The following COL25A1 variants were observed in gnomAD, a reference collection of about 807,000 sequenced individuals.
COL25A1 encodes collagen type XXV alpha 1 chain.
COL25A1 carries 103 observed loss-of-function variants against 128.4 expected under a neutral mutation model. The observed-to-expected ratio is 0.80, with a 90% CI of 0.68 to 0.94. COL25A1 has a LOEUF of 0.94. COL25A1 is among the 40% of genes least tolerant of loss of function. The pLI is 0.00. For synonymous variants in COL25A1, 279 were observed against 277.2 expected (o/e 1.01, Z -0.06); for missense variants, 745 against 840.0 (o/e 0.89, Z 1.40).
At chr4:108,935,134 C>G (rs75757258) in intron 11 of COL25A1, among the ~76,000 whole-genome samples, 3 of 152,058 alleles carry the variant, frequency 2.0e-5, no homozygotes, top group Non-Finnish European at 4.4e-5. Context: ...GTTCTTCCTC[C>G]TATTTTTTTA....
chr4:108,824,161 A>T lies in COL25A1; in HGVS notation c.1845+13T>A, dbSNP rs1230547123. 1 of 1,614,076 alleles carries T rather than the reference A, an allele frequency of 6.2e-7. No homozygotes were observed. Among genetic ancestry groups the T allele is most frequent in the Admixed American group, 1.7e-5 (1 of 60,014 alleles). On this transcript the variant is annotated intron_variant, in intron 35 of 37. Coordinates refer to ENST00000399132, the MANE Select transcript of COL25A1 (RefSeq NM_198721.4). ...AGAATCAAACAAGGTACATGCTGGG[A>T]TGGAGAGGTCACCTTTTCTCCCTTT...
chr4:109,206,238 T>C lies in COL25A1; in HGVS notation c.367+94345A>G, dbSNP rs566980443. The stretch of plus-strand genomic sequence containing the variant: ...CATATACTAAAGACAGGTTCAGATA[T>C]TTATAAAGTACTTTTATCTATTCAG... On this transcript the variant is annotated intron_variant, in intron 3 of 37. Transcript: ENST00000399132. Among the ~76,000 whole-genome samples, 104 of 152,256 alleles carry C rather than the reference T, an allele frequency of 6.8e-4. 1 individual carries two copies. The highest frequency in any genetic ancestry group is 1.0e-4 in the Non-Finnish European group (7 of 68,028).
chr4:109,082,525 T>C (rs892346394), intron 3 of COL25A1, among the ~76,000 whole-genome samples: 1 of 152,238 alleles, frequency 6.6e-6, no homozygotes, highest in Non-Finnish European at 1.5e-5. Context: ...GGGGTTTTCA[T>C]GTGCATTTTC....
intron 37 of COL25A1, among the ~76,000 whole-genome samples, chr4:108,815,622 G>A (rs1731179434): frequency 6.6e-6 from 1 of 152,012 alleles, no homozygotes; most frequent in African/African-American, 2.4e-5. Flanking sequence ...GTAGTGTATA[G>A]TGTCTATTCT....
chr4:108,954,963 G>A (rs1028691021), intron 8 of COL25A1, among the ~76,000 whole-genome samples: 1 of 150,350 alleles, frequency 6.7e-6, no homozygotes. Context: ...TTTTAAAATG[G>A]GTCTTCGATT....
At chr4:108,841,165 A>G in intron 31 of COL25A1, among the ~76,000 whole-genome samples, 1 of 152,190 alleles carries the variant, frequency 6.6e-6, no homozygotes. Context: ...TCTTAACCCA[A>G]AAGTATAGAA....
At chr4:108,913,713 T>G (rs1744534461) in intron 13 of COL25A1, among the ~76,000 whole-genome samples, 1 of 152,190 alleles carries the variant, frequency 6.6e-6, no homozygotes, top group South Asian at 2.1e-4. Context: ...TTTTAACAGT[T>G]CAGATTTTTA....
At chr4:108,937,195 G>A (rs1483543818) in intron 11 of COL25A1, among the ~76,000 whole-genome samples, 2 of 152,112 alleles carry the variant, frequency 1.3e-5, no homozygotes, top group African/African-American at 4.8e-5. Flanking sequence ...GGGACAGGAA[G>A]AGGTAGGTTG....
chr4:109,099,720 T>C (rs1193775546), intron 3 of COL25A1, among the ~76,000 whole-genome samples: 1 of 151,396 alleles, frequency 6.6e-6, no homozygotes, highest in Admixed American at 6.6e-5. Context: ...GGTAAATAAC[T>C]AGGAGAAAAA....
intron 3 of COL25A1, among the ~76,000 whole-genome samples, chr4:109,285,072 C>A (rs1197696930): frequency 6.6e-6 from 1 of 152,038 alleles, no homozygotes; most frequent in Non-Finnish European, 1.5e-5. Flanking sequence ...CAGGCCACAT[C>A]TGGAGCTTCA....
intron 5 of COL25A1, among the ~76,000 whole-genome samples, chr4:109,022,562 T>C (rs781598042): frequency 3.9e-5 from 6 of 152,170 alleles, no homozygotes; most frequent in Non-Finnish European, 7.4e-5. Flanking sequence ...TGATCCTACA[T>C]ATATACAAAT....
At chr4:109,039,342 A>G (rs1006541344) in intron 5 of COL25A1, among the ~76,000 whole-genome samples, 2 of 151,948 alleles carry the variant, frequency 1.3e-5, no homozygotes, top group Admixed American at 6.6e-5. Flanking sequence ...TCCAATCTCT[A>G]TTTTTACTAG....
chr4:109,009,269 G>T (rs1437519535), intron 6 of COL25A1, among the ~76,000 whole-genome samples: 3 of 152,012 alleles, frequency 2.0e-5, no homozygotes, highest in Admixed American at 6.6e-5. Context: ...ATTAATAATT[G>T]CCTTGAACCA....
chr4:108,896,516 T>C, intron 16 of COL25A1, 151 bp downstream of exon 16: 1 of 556,872 alleles, frequency 1.8e-6, no homozygotes, highest in Non-Finnish European at 3.2e-6. Flanking sequence ...ATAAATCAAG[T>C]ATTTAAATGT....
At chr4:108,874,232 G>A (rs1739157050) in intron 19 of COL25A1, among the ~76,000 whole-genome samples, 1 of 152,132 alleles carries the variant, frequency 6.6e-6, no homozygotes, top group South Asian at 2.1e-4. Context: ...GCTTACATAA[G>A]TTTTCATGGC....
intron 3 of COL25A1, among the ~76,000 whole-genome samples, chr4:109,072,922 A>C (rs1291078474): frequency 6.6e-6 from 1 of 151,738 alleles, no homozygotes; most frequent in African/African-American, 2.4e-5. Flanking sequence ...AGTTGCCCTG[A>C]CTCTGCAGCA....
intron 3 of COL25A1, among the ~76,000 whole-genome samples, chr4:109,232,203 G>A (rs1170048126): frequency 1.3e-5 from 2 of 152,090 alleles, no homozygotes; most frequent in Non-Finnish European, 2.9e-5. Flanking sequence ...CCATGAACAG[G>A]AGAACATATC....
intron 3 of COL25A1, among the ~76,000 whole-genome samples, chr4:109,281,409 C>CAAAAAAAAAAAAAAAAAAAA (rs59962160): frequency 9.8e-6 from 1 of 102,258 alleles, no homozygotes. Context: ...CTTAAAATGG[C>CAAAAAAAAAAAAAAAAAAAA]AAAAAAAAAA....
At chr4:109,279,354 A>T (rs1161055117) in intron 3 of COL25A1, among the ~76,000 whole-genome samples, 3 of 152,150 alleles carry the variant, frequency 2.0e-5, no homozygotes, top group Non-Finnish European at 4.4e-5. Flanking sequence ...TCATGCCAGT[A>T]ATCCCAGTGC....
Sources: gnomAD v4.1 joint callset for allele counts (sites outside exome capture counted in the v4.1 genomes callset) on GRCh38, gnomAD v4.1.1 for gene constraint, MANE v1.5 for transcripts, NCBI Gene and HGNC (gene_info 2026-07-23, HGNC 2026-07-21) for gene names.